Variants in PDHX observed in about 807,000 individuals in gnomAD.
PDHX encodes pyruvate dehydrogenase protein X component, mitochondrial.
PDHX carries 33 observed loss-of-function variants against 55.3 expected under a neutral mutation model. That is an observed-to-expected ratio of 0.60 (90% CI 0.45 to 0.80). The LOEUF is 0.80. Ranked by LOEUF, PDHX falls within the 30% of genes least tolerant of loss-of-function variation. The pLI is 0.00. For synonymous variants in PDHX, 226 were observed against 219.4 expected (o/e 1.03, Z -0.27); for missense variants, 622 against 619.9 (o/e 1.00, Z -0.04).
chr11:34,949,600 G>T (rs1854706771), intron 3 of PDHX, among the ~76,000 whole-genome samples: 1 of 152,140 alleles, frequency 6.6e-6, no homozygotes, highest in Non-Finnish European at 1.5e-5. Context: ...CAGTTCATCA[G>T]CTTATTCTTA....
chr11:34,945,503 A>G (rs1359489590), intron 2 of PDHX, among the ~76,000 whole-genome samples: 2 of 152,144 alleles, frequency 1.3e-5, no homozygotes, highest in East Asian at 1.9e-4. Context: ...GCAGCATACA[A>G]AATTCTAGAC....
chr11:34,977,973 A>G lies in PDHX; in HGVS notation c.965-151A>G, dbSNP rs916344510. 19 of 622,454 alleles carry G rather than the reference A, an allele frequency of 3.1e-5. No homozygotes were observed. In the Middle Eastern group the frequency reaches 1.5e-3, roughly 49 times the overall value. The allele number at this position is 622,454 out of a possible 1,614,324, so 38.6% of individuals were successfully genotyped here. A position where few individuals can be genotyped will look rare whatever the true frequency, so the allele number is the denominator to read the frequency against. On this transcript the variant is annotated intron_variant, in intron 7 of 10. Transcript: ENST00000227868. The stretch of plus-strand genomic sequence containing the variant: ...TCATATAATGCAAGTTTTTCTAATC[A>G]TGGGAACCTTATTGACTAAGCAAAC...
intron 1 of PDHX, among the ~76,000 whole-genome samples, chr11:34,919,744 A>G (rs563214390): frequency 1.3e-5 from 2 of 152,336 alleles, no homozygotes; most frequent in African/African-American, 4.8e-5. Flanking sequence ...TGCAGAGACT[A>G]TCTTTTTTAC....
intron 1 of PDHX, among the ~76,000 whole-genome samples, chr11:34,924,990 A>T (rs1024326022): frequency 6.6e-6 from 1 of 152,214 alleles, no homozygotes; most frequent in African/African-American, 2.4e-5. Context: ...CAGTGTTTAC[A>T]TTAAACAAAT....
intron 2 of PDHX, among the ~76,000 whole-genome samples, chr11:34,945,124 AAAGT>A (rs1193154989): frequency 4.6e-5 from 7 of 152,162 alleles, no homozygotes; most frequent in Non-Finnish European, 7.4e-5. Flanking sequence ...AGTTGATGCA[AAAGT>A]AATTGGGGTT....
At chr11:34,965,107 T>C (rs560766235) in intron 5 of PDHX, among the ~76,000 whole-genome samples, 1 of 152,306 alleles carries the variant, frequency 6.6e-6, no homozygotes, top group Admixed American at 6.5e-5. Context: ...AGGTTAGAAG[T>C]CCTGGCATAG....
At chr11:34,992,207 A>C in intron 9 of PDHX, 108 bp from the exon 10 acceptor site, 1 of 674,938 alleles carries the variant, frequency 1.5e-6, no homozygotes. Context: ...ACAAAATCAA[A>C]TCAAGGCATA....
intron 2 of PDHX, among the ~76,000 whole-genome samples, chr11:34,946,292 T>C (rs911023096): frequency 6.6e-6 from 1 of 152,174 alleles, no homozygotes; most frequent in African/African-American, 2.4e-5. Flanking sequence ...CCATTTTTTT[T>C]TAATTTCTTG....
At chr11:34,918,141 T>G (rs1230301081) in intron 1 of PDHX, among the ~76,000 whole-genome samples, 1 of 152,058 alleles carries the variant, frequency 6.6e-6, no homozygotes, top group Non-Finnish European at 1.5e-5. Flanking sequence ...GTACCATAAA[T>G]GGTCACACAC....
intron 2 of PDHX, among the ~76,000 whole-genome samples, chr11:34,943,229 TATA>T (rs781271413): frequency 6.6e-6 from 1 of 152,220 alleles, no homozygotes; most frequent in South Asian, 2.1e-4. Context: ...TTAGCAGTAA[TATA>T]ACATTTTATA....
intron 5 of PDHX, among the ~76,000 whole-genome samples, chr11:34,962,703 C>A (rs563501966): frequency 1.5e-4 from 23 of 152,198 alleles, no homozygotes; most frequent in African/African-American, 5.3e-4. Context: ...ATGGTAGGAT[C>A]TAAGAAAAGC....
At chr11:34,920,556 A>G (rs905748570) in intron 1 of PDHX, among the ~76,000 whole-genome samples, 2 of 152,176 alleles carry the variant, frequency 1.3e-5, no homozygotes, top group African/African-American at 4.8e-5. Flanking sequence ...TTACAGAGAA[A>G]TCTAGATTTT....
chr11:34,935,535 T>G (rs1366116763), intron 2 of PDHX, among the ~76,000 whole-genome samples: 1 of 152,126 alleles, frequency 6.6e-6, no homozygotes, highest in African/African-American at 2.4e-5. Context: ...GGTGGTAGAG[T>G]CTCCCCTCCA....
At position 34,984,670 on chromosome 11, in the gene PDHX, CT is replaced by C. The variant is rs776854797; in HGVS notation, c.1125del (p.Pro376GlnfsTer3). 2 of 1,614,042 alleles carry C rather than the reference CT, an allele frequency of 1.2e-6. No individual in the cohort carries two copies. The highest frequency in any genetic ancestry group is 1.7e-6 in the Non-Finnish European group (2 of 1,179,904). ...VAVATDKGLL[T>X]PIIKDAAAKG... ...GTGGCAACAGATAAAGGCTTACTTA[CT>C]CCAATCATAAAAGATGCTGCTGCTA... is the stretch of plus-strand genomic sequence containing the variant. On this transcript the variant is annotated frameshift_variant, in exon 9 of 11. Transcript: ENST00000227868. LOFTEE classifies it high-confidence loss of function.
At chr11:34,939,845 T>C (rs536460748) in intron 2 of PDHX, among the ~76,000 whole-genome samples, 1 of 152,308 alleles carries the variant, frequency 6.6e-6, no homozygotes, top group Non-Finnish European at 1.5e-5. Flanking sequence ...TTATATATCA[T>C]AAAATTAGTA....
intron 2 of PDHX, among the ~76,000 whole-genome samples, chr11:34,941,665 T>C (rs1854486604): frequency 6.6e-6 from 1 of 152,206 alleles, no homozygotes; most frequent in African/African-American, 2.4e-5. Context: ...AACAAAATTA[T>C]TTTGTGAAAG....
chr11:34,946,341 G>T (rs2133961616), intron 2 of PDHX, among the ~76,000 whole-genome samples: 1 of 150,360 alleles, frequency 6.7e-6, no homozygotes, highest in Admixed American at 6.6e-5. Flanking sequence ...TATGTTTTTG[G>T]ATGTCCTCAA....
chr11:34,960,320 GA>G (rs1378639157), intron 4 of PDHX, 99 bp from the exon 5 acceptor site: 3 of 772,118 alleles, frequency 3.9e-6, no homozygotes, highest in African/African-American at 1.7e-5. Flanking sequence ...TTTATTATAA[GA>G]TTTTTTTTTA....
In PDHX at chr11:34,965,712, ATGCTCAACAGG is replaced by A. The variant is rs201032910; in HGVS notation, c.642-923_642-913del. Reference sequence around the variant, plus strand: ...CATAAGTAAAGGGGTCTTCTCAAATATGCTCAACAGGTGCTAGCTTTTATCTTTCATCAAAT... The same window carrying A: ...CATAAGTAAAGGGGTCTTCTCAAATATGCTAGCTTTTATCTTTCATCAAAT... On this transcript the variant is annotated intron_variant, in intron 5 of 10. Transcript: ENST00000227868. Among the ~76,000 whole-genome samples the A allele has an allele frequency of 9.1e-4, 139 of 152,302 alleles. 3 individuals carry two copies. In the East Asian group the frequency reaches 0.026, roughly 28 times the overall value.
Sources: gnomAD v4.1 joint callset for allele counts (sites outside exome capture counted in the v4.1 genomes callset) on GRCh38, gnomAD v4.1.1 for gene constraint, MANE v1.5 for transcripts, NCBI Gene and HGNC (gene_info 2026-07-23, HGNC 2026-07-21) for gene names.